KIFAP3: variants seen among roughly 807,000 people sequenced by gnomAD.
The protein encoded by KIFAP3 is kinesin-associated protein 3.
Under a neutral mutation model 106.5 loss-of-function variants are expected in KIFAP3, and 68 were observed. The observed-to-expected ratio is 0.64, with a 90% confidence interval of 0.53 to 0.78. The LOEUF (loss-of-function observed/expected upper bound fraction) is 0.78. KIFAP3 is among the 30% of genes least tolerant of loss of function. The probability of loss-of-function intolerance (pLI) is 0.00; values close to 1 mark genes in which losing one functional copy is unlikely to be tolerated. For missense variants in KIFAP3, 780 were observed against 941.8 expected (o/e 0.83, Z 2.25); for synonymous variants, 320 against 311.5 (o/e 1.03, Z -0.29).
chr1:169,923,002 C>T, intron 19 of KIFAP3: 1 of 630,768 alleles, frequency 1.6e-6, no homozygotes, highest in Non-Finnish European at 2.0e-6. Flanking sequence ...TGCACGCGTG[C>T]TTGTGTGTAT....
In KIFAP3 at chr1:170,042,171, G is replaced by A. The variant is rs187360937; in HGVS notation, c.320-2883C>T. Among the ~76,000 whole-genome samples the A allele has an allele frequency of 4.5e-3, 681 of 152,288 alleles. 7 individuals carry two copies. Among genetic ancestry groups the A allele is most frequent in the Non-Finnish European group, 6.5e-3 (444 of 68,030 alleles). On this transcript the variant is annotated intron_variant, in intron 3 of 19. Transcript: ENST00000361580. ...ATTGTAATTTTGTCTTGGTCGATAC[G>A]GGAAATACTAACTTAATCCCTCCTA...
intron 19 of KIFAP3, 26 bp downstream of exon 19, chr1:169,953,985 T>C (rs1386164690): frequency 6.6e-7 from 1 of 1,506,946 alleles, no homozygotes; most frequent in Non-Finnish European, 9.2e-7. Flanking sequence ...TACTACACAT[T>C]AGATTTTTCT....
intron 3 of KIFAP3, among the ~76,000 whole-genome samples, chr1:170,043,576 G>A (rs896543049): frequency 2.0e-5 from 3 of 152,142 alleles, no homozygotes; most frequent in African/African-American, 7.2e-5. Flanking sequence ...TCTCCTCATG[G>A]TTCTTACAGA....
intron 3 of KIFAP3, among the ~76,000 whole-genome samples, chr1:170,040,981 A>T (rs1237319512): frequency 2.6e-5 from 4 of 151,906 alleles, no homozygotes; most frequent in African/African-American, 7.3e-5. Context: ...GCACACCACA[A>T]CGCCCAGCTA....
chr1:170,008,712 C>A (rs1014608978), intron 10 of KIFAP3, among the ~76,000 whole-genome samples: 2 of 152,144 alleles, frequency 1.3e-5, no homozygotes, highest in African/African-American at 2.4e-5. Context: ...GACAGTGTGG[C>A]GATTCCTCAA....
intron 19 of KIFAP3, among the ~76,000 whole-genome samples, chr1:169,944,527 C>T (rs1269538364): frequency 2.0e-5 from 3 of 152,126 alleles, no homozygotes; most frequent in South Asian, 2.1e-4. Flanking sequence ...GTGGGGGCGA[C>T]GTGTTTCAGC....
At chr1:170,070,330 C>A (rs1484661916) in intron 1 of KIFAP3, among the ~76,000 whole-genome samples, 2 of 151,880 alleles carry the variant, frequency 1.3e-5, no homozygotes, top group African/African-American at 2.4e-5. Context: ...ATAAGGAACC[C>A]TAAATAGCTG....
At chr1:170,026,885 TATAA>T (rs1669136853) in intron 8 of KIFAP3, among the ~76,000 whole-genome samples, 2 of 152,276 alleles carry the variant, frequency 1.3e-5, no homozygotes, top group South Asian at 2.1e-4. Flanking sequence ...ACTAACAAAT[TATAA>T]GATTAAGATC....
intron 19 of KIFAP3, among the ~76,000 whole-genome samples, chr1:169,930,418 T>A (rs1014020985): frequency 6.6e-6 from 1 of 152,234 alleles, no homozygotes; most frequent in Non-Finnish European, 1.5e-5. Context: ...GTCCTTTTTA[T>A]GTTTTCATTG....
intron 1 of KIFAP3, among the ~76,000 whole-genome samples, chr1:170,083,966 G>C (rs549262474): frequency 1.1e-4 from 17 of 152,288 alleles, no homozygotes; most frequent in African/African-American, 4.1e-4. Flanking sequence ...TTGAATACTA[G>C]CCACAGCGGG....
At chr1:169,997,883 GA>G (rs60799242) in intron 10 of KIFAP3, among the ~76,000 whole-genome samples, 85,371 of 122,714 alleles carry the variant, frequency 0.7, 29,099 homozygotes, top group African/African-American at 0.88. Context: ...AAAAAAAAAA[GA>G]AAAAAAAAAG....
In KIFAP3 at chr1:169,954,125, A is replaced by T; in HGVS notation, c.2174-15T>A. The T allele has an allele frequency of 6.6e-7, 1 of 1,520,234 alleles. No individual in the cohort carries two copies. The highest frequency in any genetic ancestry group is 9.1e-7 in the Non-Finnish European group (1 of 1,095,612). The allele number at this position is 1,520,234 out of a possible 1,614,324, so 94.2% of individuals were successfully genotyped here. A position where few individuals can be genotyped will look rare whatever the true frequency, so the allele number is the denominator to read the frequency against. On this transcript the variant is annotated splice_polypyrimidine_tract_variant and intron_variant, in intron 18 of 19. Transcript: ENST00000361580. ...AATTAATCCATCTAGAAAGAAAAAA[A>T]AATGGTAACCAGTAAAACATATGTG...
chr1:170,044,509 G>A (rs1670143219), intron 3 of KIFAP3, among the ~76,000 whole-genome samples: 1 of 152,136 alleles, frequency 6.6e-6, no homozygotes, highest in African/African-American at 2.4e-5. Context: ...CCTTGTTATA[G>A]GACATTAACT....
At chr1:169,957,874 G>A (rs771173980) in intron 18 of KIFAP3, 1 of 152,274 alleles carries the variant, frequency 6.6e-6, no homozygotes, top group African/African-American at 2.4e-5. Flanking sequence ...TGATCCACTT[G>A]CCTTGGCCAC....
At chr1:169,952,995 A>AG (rs1041534051) in intron 19 of KIFAP3, among the ~76,000 whole-genome samples, 7 of 152,148 alleles carry the variant, frequency 4.6e-5, no homozygotes, top group African/African-American at 1.4e-4. Flanking sequence ...GAATTTAAGA[A>AG]GAAAAAAATT....
chr1:170,068,495 A>C (rs1671555028), intron 1 of KIFAP3: 1 of 152,086 alleles, frequency 6.6e-6, no homozygotes, highest in Non-Finnish European at 1.5e-5. Context: ...GCAAACTTGA[A>C]GATATGTCAA....
chr1:169,977,310 G>A (rs1666273194), intron 16 of KIFAP3, among the ~76,000 whole-genome samples: 1 of 152,136 alleles, frequency 6.6e-6, no homozygotes, highest in Non-Finnish European at 1.5e-5. Flanking sequence ...CTTATCAGGA[G>A]AGGATGTTAC....
chr1:169,959,782 T>C (rs769093638), intron 18 of KIFAP3, among the ~76,000 whole-genome samples: 2 of 152,224 alleles, frequency 1.3e-5, no homozygotes, highest in Admixed American at 1.3e-4. Context: ...ATTAAAAAAA[T>C]TCACATCATA....
chr1:170,033,569 AG>A (rs1669524872), intron 7 of KIFAP3, among the ~76,000 whole-genome samples: 1 of 151,792 alleles, frequency 6.6e-6, no homozygotes, highest in African/African-American at 2.4e-5. Context: ...TTGAGTTTAG[AG>A]GCTAAAATAT....
Sources: gnomAD v4.1 joint callset for allele counts (sites outside exome capture counted in the v4.1 genomes callset) on GRCh38, gnomAD v4.1.1 for gene constraint, MANE v1.5 for transcripts, NCBI Gene and HGNC (gene_info 2026-07-23, HGNC 2026-07-21) for gene names.